Variants in RBFOX1 observed in about 807,000 individuals in gnomAD.
The protein encoded by RBFOX1 is RNA binding protein fox-1 homolog 1.
Under a neutral mutation model 57.7 loss-of-function variants are expected in RBFOX1, and 8 were observed. That is an observed-to-expected ratio of 0.14 (90% CI 0.08 to 0.25). The LOEUF is 0.25. Ranked by LOEUF, RBFOX1 falls within the 10% of genes least tolerant of loss-of-function variation. The pLI, the probability that RBFOX1 is intolerant of heterozygous loss-of-function variation, is 1.00. For missense variants in RBFOX1, 611 were observed against 548.5 expected (o/e 1.11, Z -1.14); for synonymous variants, 326 against 222.4 (o/e 1.47, Z -4.15).
intron 3 of RBFOX1, among the ~76,000 whole-genome samples, chr16:6,768,734 A>G (rs1603618460): frequency 6.8e-6 from 1 of 146,522 alleles, no homozygotes. Context: ...TGATGATATT[A>G]TTTTTCTTTT....
intron 10 of RBFOX1, among the ~76,000 whole-genome samples, chr16:7,630,401 G>A (rs2060756905): frequency 6.6e-6 from 1 of 151,906 alleles, no homozygotes; most frequent in African/African-American, 2.4e-5. Context: ...CGTGTGCTTG[G>A]TGGGCCGGGT....
intron 3 of RBFOX1, among the ~76,000 whole-genome samples, chr16:6,893,132 G>A (rs1276180338): frequency 2.0e-5 from 3 of 152,102 alleles, no homozygotes; most frequent in East Asian, 3.9e-4. Flanking sequence ...ACTGTCTGCA[G>A]AATGAATTGC....
chr16:5,241,153 C>G (rs2062157261), intron 1 of RBFOX1, among the ~76,000 whole-genome samples: 1 of 152,220 alleles, frequency 6.6e-6, no homozygotes, highest in African/African-American at 2.4e-5. Flanking sequence ...TGGGCTGCCT[C>G]AGAGCCCCCC....
At chr16:6,446,680 T>C (rs773101199) in intron 2 of RBFOX1, among the ~76,000 whole-genome samples, 5 of 152,184 alleles carry the variant, frequency 3.3e-5, no homozygotes, top group South Asian at 2.1e-4. Context: ...AGGATTACTA[T>C]TCTAATTAAT....
At chr16:7,000,663 G>A (rs1052557465) in intron 3 of RBFOX1, among the ~76,000 whole-genome samples, 7 of 128,530 alleles carry the variant, frequency 5.4e-5, no homozygotes, top group African/African-American at 2.0e-4. Flanking sequence ...GGAGTGCAGT[G>A]GCATGATCTC....
At chr16:6,910,330 G>C (rs1311941790) in intron 3 of RBFOX1, among the ~76,000 whole-genome samples, 1 of 152,048 alleles carries the variant, frequency 6.6e-6, no homozygotes, top group East Asian at 1.9e-4. Context: ...GAAAGTGAGT[G>C]TCTTTTCCAC....
At chr16:7,647,928 A>T (rs1015453309) in intron 11 of RBFOX1, among the ~76,000 whole-genome samples, 5 of 152,222 alleles carry the variant, frequency 3.3e-5, no homozygotes, top group African/African-American at 1.2e-4. Flanking sequence ...TTCTCTTTCT[A>T]TGTGGTCAAA....
At chr16:7,121,052 A>C (rs1208209077) in intron 4 of RBFOX1, among the ~76,000 whole-genome samples, 1 of 152,048 alleles carries the variant, frequency 6.6e-6, no homozygotes, top group Non-Finnish European at 1.5e-5. Context: ...ATTGGAAAAC[A>C]AAAGCTAATC....
At chr16:6,153,209 G>T (rs959554166) in intron 1 of RBFOX1, among the ~76,000 whole-genome samples, 2 of 151,994 alleles carry the variant, frequency 1.3e-5, no homozygotes, top group African/African-American at 4.8e-5. Context: ...AGCAAAAGAA[G>T]TTCCAGAACA....
intron 3 of RBFOX1, among the ~76,000 whole-genome samples, chr16:5,656,033 G>T (rs1055620244): frequency 2.0e-5 from 3 of 152,196 alleles, no homozygotes; most frequent in Non-Finnish European, 2.9e-5. Context: ...CTCGTTAAAA[G>T]CTTGTGGAAA....
intron 4 of RBFOX1, among the ~76,000 whole-genome samples, chr16:7,120,252 C>G (rs1356599784): frequency 6.6e-6 from 1 of 151,488 alleles, no homozygotes; most frequent in African/African-American, 2.4e-5. Context: ...CTCAAATCAA[C>G]AATGTAAGTG....
chr16:6,297,689 A>C (rs1310800216), intron 1 of RBFOX1, among the ~76,000 whole-genome samples: 1 of 152,030 alleles, frequency 6.6e-6, no homozygotes, highest in African/African-American at 2.4e-5. Context: ...TCCTATACCC[A>C]TATAAACCCC....
chr16:6,823,219 C>A (rs1230307663), intron 3 of RBFOX1, among the ~76,000 whole-genome samples: 1 of 151,794 alleles, frequency 6.6e-6, no homozygotes, highest in Non-Finnish European at 1.5e-5. Flanking sequence ...ACTTCACTGA[C>A]CTCTTGGCCC....
intron 3 of RBFOX1, among the ~76,000 whole-genome samples, chr16:6,664,010 G>T (rs901868687): frequency 2.6e-5 from 4 of 152,162 alleles, no homozygotes; most frequent in Non-Finnish European, 5.9e-5. Context: ...CTTTAATATA[G>T]AATGAAATCT....
At chr16:6,116,766 C>T (rs533685621) in intron 1 of RBFOX1, among the ~76,000 whole-genome samples, 28 of 152,268 alleles carry the variant, frequency 1.8e-4, no homozygotes, top group African/African-American at 6.3e-4. Flanking sequence ...GAAAACAGAA[C>T]TCCCGTGAAT....
intron 2 of RBFOX1, among the ~76,000 whole-genome samples, chr16:5,514,293 C>G (rs1216866577): frequency 2.6e-5 from 4 of 152,180 alleles, no homozygotes; most frequent in South Asian, 2.1e-4. Flanking sequence ...GTCGCCATGT[C>G]TCTCATCCTT....
intron 4 of RBFOX1, among the ~76,000 whole-genome samples, chr16:7,375,929 G>C (rs997473417): frequency 6.6e-6 from 1 of 152,154 alleles, no homozygotes; most frequent in African/African-American, 2.4e-5. Flanking sequence ...CCTTAAATGC[G>C]AAGTAAAGGG....
intron 4 of RBFOX1, among the ~76,000 whole-genome samples, chr16:7,447,158 G>A (rs1336891113): frequency 2.6e-5 from 4 of 151,846 alleles, no homozygotes; most frequent in Non-Finnish European, 2.9e-5. Flanking sequence ...ACAGAATTTG[G>A]GAGCCCTCCG....
intron 3 of RBFOX1, among the ~76,000 whole-genome samples, chr16:6,677,944 C>G (rs969175372): frequency 1.3e-5 from 2 of 152,156 alleles, no homozygotes; most frequent in Non-Finnish European, 2.9e-5. Flanking sequence ...TAAAGAACAT[C>G]TAACCTAGTA....
Sources: gnomAD v4.1 joint callset for allele counts (sites outside exome capture counted in the v4.1 genomes callset) on GRCh38, gnomAD v4.1.1 for gene constraint, MANE v1.5 for transcripts, NCBI Gene and HGNC (gene_info 2026-07-23, HGNC 2026-07-21) for gene names.